Variants in PHYHIPL observed in about 807,000 individuals in gnomAD.
PHYHIPL encodes the protein phytanoyl-CoA hydroxylase-interacting protein-like.
A neutral mutation model predicts 33.4 loss-of-function variants in PHYHIPL; 9 were observed. That is an observed-to-expected ratio of 0.27 (90% CI 0.16 to 0.47). PHYHIPL has a LOEUF of 0.47. Among genes scored for constraint, PHYHIPL ranks in the 20% least tolerant of loss-of-function variants. PHYHIPL has a pLI of 0.99. For missense variants in PHYHIPL, 365 were observed against 460.7 expected, an observed-to-expected ratio of 0.79 and a Z score of 1.90; for synonymous variants, 153 against 154.1, an observed-to-expected ratio of 0.99 and a Z score of 0.05.
intron 1 of PHYHIPL, among the ~76,000 whole-genome samples, chr10:59,207,835 T>C (rs1451256625): frequency 6.8e-6 from 1 of 147,068 alleles, no homozygotes; most frequent in Non-Finnish European, 1.5e-5. Context: ...GAGCTTGCAG[T>C]GAGCCGAGAT....
At position 59,247,656 on chromosome 10, in the gene PHYHIPL, T is replaced by C; in HGVS notation, c.*2065T>C. On this transcript the variant is annotated 3_prime_UTR_variant, in exon 5 of 5. Transcript: ENST00000373880. ...CATCTTGCTTGCTGATGAGGACCTC[T>C]AATAGTCTCAGTTTGGCTTTTATGT... The C allele has an allele frequency of 6.2e-7, 1 of 1,613,590 alleles. No homozygotes were observed. The highest frequency in any genetic ancestry group is 8.5e-7 in the Non-Finnish European group (1 of 1,179,694).
intron 1 of PHYHIPL, among the ~76,000 whole-genome samples, chr10:59,187,382 A>G (rs1453114999): frequency 1.3e-5 from 2 of 151,958 alleles, no homozygotes; most frequent in Admixed American, 6.6e-5. Context: ...TTTATTGAGT[A>G]TTTTTTGCAT....
chr10:59,242,007 A>T (rs1445935922), intron 4 of PHYHIPL, among the ~76,000 whole-genome samples: 1 of 152,194 alleles, frequency 6.6e-6, no homozygotes, highest in Non-Finnish European at 1.5e-5. Context: ...CAAACAGTAT[A>T]GGAAAAAAAC....
chr10:59,210,769 T>G (rs1264239045), intron 1 of PHYHIPL, among the ~76,000 whole-genome samples: 1 of 152,168 alleles, frequency 6.6e-6, no homozygotes, highest in Non-Finnish European at 1.5e-5. Flanking sequence ...TTCACGTCCT[T>G]TGCAGGGACT....
chr10:59,244,562 CAAAA>C (rs71006239), intron 4 of PHYHIPL, among the ~76,000 whole-genome samples: 37 of 39,556 alleles, frequency 9.4e-4, no homozygotes, highest in Middle Eastern at 0.042. Flanking sequence ...GACTCTGTCT[CAAAA>C]AAAAAAAAAA....
At chr10:59,220,269 G>A (rs1042128567) in intron 1 of PHYHIPL, among the ~76,000 whole-genome samples, 1 of 151,988 alleles carries the variant, frequency 6.6e-6, no homozygotes, top group African/African-American at 2.4e-5. Context: ...AAAAGAATGG[G>A]AGGTATTGAC....
chr10:59,218,347 C>T (rs1839672656), intron 1 of PHYHIPL, among the ~76,000 whole-genome samples: 1 of 152,120 alleles, frequency 6.6e-6, no homozygotes, highest in Non-Finnish European at 1.5e-5. Context: ...TATCATTCTC[C>T]TCATTTATAA....
chr10:59,206,946 G>A (rs10509097), intron 1 of PHYHIPL: 59,174 of 345,632 alleles, frequency 0.17, 6,036 homozygotes, highest in African/African-American at 0.32. Context: ...TTACAAATAG[G>A]AAAAGATGGG....
rs775310603 is a variant in PHYHIPL at position 59,236,653 on chromosome 10, C to T, written c.474C>T (p.Thr158=). The T allele has an allele frequency of 6.9e-6, 11 of 1,595,236 alleles. 1 individual carries two copies. The highest frequency in any genetic ancestry group is 5.2e-5 in the Admixed American group (3 of 57,706). ...SEWSEIIEFC[T]ADYSKVHLTQ... ...GGAGTGAAATTATAGAATTCTGCAC[C>T]GCAGGTAAGAGAACTAGGTACAAAT... The change falls in exon 3 of 5, where the codon ACC becomes ACT. Residue 158 remains threonine (T), a synonymous_variant. Coordinates refer to ENST00000373880, the MANE Select transcript of PHYHIPL (RefSeq NM_032439.4).
intron 1 of PHYHIPL, among the ~76,000 whole-genome samples, chr10:59,201,516 G>A (rs1330013320): frequency 1.3e-5 from 2 of 152,184 alleles, no homozygotes; most frequent in African/African-American, 2.4e-5. Context: ...ATGTGGTGCT[G>A]AGAAGAATGT....
At chr10:59,198,888 T>C (rs1273745535) in intron 1 of PHYHIPL, among the ~76,000 whole-genome samples, 2 of 152,198 alleles carry the variant, frequency 1.3e-5, no homozygotes, top group Non-Finnish European at 2.9e-5. Context: ...CTTTGCCCAC[T>C]TTTTGATGGG....
At chr10:59,187,037 G>A (rs1050195339) in intron 1 of PHYHIPL, among the ~76,000 whole-genome samples, 1 of 152,158 alleles carries the variant, frequency 6.6e-6, no homozygotes, top group Non-Finnish European at 1.5e-5. Context: ...TCCCTGTCTT[G>A]TACCAGTTTT....
upstream of PHYHIPL, among the ~76,000 whole-genome samples, chr10:59,174,883 C>G (rs183734606): frequency 6.6e-6 from 1 of 152,308 alleles, no homozygotes; most frequent in Non-Finnish European, 1.5e-5. Context: ...ATTTGAACTC[C>G]AAATTTTCAA....
chr10:59,217,427 A>C (rs1019687776), intron 1 of PHYHIPL, among the ~76,000 whole-genome samples: 15 of 151,932 alleles, frequency 9.9e-5, no homozygotes, highest in Admixed American at 9.2e-4. Context: ...TTAAGATGCA[A>C]ATTTTTGAAT....
intron 1 of PHYHIPL, among the ~76,000 whole-genome samples, chr10:59,195,849 T>C (rs1838897841): frequency 1.3e-5 from 2 of 152,184 alleles, no homozygotes; most frequent in Admixed American, 6.6e-5. Context: ...TCAAGTGATG[T>C]TTATGAACTC....
chr10:59,190,111 A>G (rs1838744379), intron 1 of PHYHIPL, among the ~76,000 whole-genome samples: 1 of 152,044 alleles, frequency 6.6e-6, no homozygotes, highest in South Asian at 2.1e-4. Flanking sequence ...TTTTATACGT[A>G]CAGCATTTTT....
intron 1 of PHYHIPL, among the ~76,000 whole-genome samples, chr10:59,199,873 A>G (rs528803272): frequency 1.3e-5 from 2 of 152,278 alleles, no homozygotes; most frequent in South Asian, 2.1e-4. Context: ...TTATTGGTGT[A>G]TAAGAATGCT....
chr10:59,222,777 G>A (rs1052482168), intron 1 of PHYHIPL, among the ~76,000 whole-genome samples: 5 of 152,088 alleles, frequency 3.3e-5, no homozygotes, highest in Non-Finnish European at 5.9e-5. Flanking sequence ...ATGTTCTGGA[G>A]TGAGTTAGAA....
At chr10:59,241,835 A>T (rs1840406235) in intron 4 of PHYHIPL, among the ~76,000 whole-genome samples, 1 of 152,142 alleles carries the variant, frequency 6.6e-6, no homozygotes. Context: ...TCAATATGTT[A>T]ATGGGATACA....
Sources: allele counts gnomAD v4.1 joint callset (sites outside exome capture counted in the v4.1 genomes callset), GRCh38; gene constraint gnomAD v4.1.1; transcripts MANE v1.5; gene names NCBI Gene and HGNC (gene_info 2026-07-23, HGNC 2026-07-21).